The following ROR2 variants were observed in gnomAD, a reference collection of about 807,000 sequenced individuals.
ROR2 encodes the protein ROR family WNT receptor 2, also known as tyrosine-protein kinase transmembrane receptor ROR2.
ROR2 carries 33 observed loss-of-function variants against 74.9 expected under a neutral mutation model. The observed-to-expected ratio is 0.44, with a 90% CI of 0.33 to 0.59. ROR2 has a LOEUF of 0.59. Ranked by LOEUF, ROR2 falls within the 20% of genes least tolerant of loss-of-function variation. The probability of loss-of-function intolerance (pLI) is 0.02; values close to 1 mark genes in which losing one functional copy is unlikely to be tolerated. For synonymous variants in ROR2, 586 were observed against 558.7 expected, an observed-to-expected ratio of 1.05 and a Z score of -0.69; for missense variants, 1,216 against 1,313.8, an observed-to-expected ratio of 0.93 and a Z score of 1.15.
chr9:91,767,429 T>A (rs1351409598), intron 2 of ROR2, among the ~76,000 whole-genome samples: 1 of 152,182 alleles, frequency 6.6e-6, no homozygotes, highest in Admixed American at 6.5e-5. Context: ...TTGGTCAAAT[T>A]ACTTAGGCAT....
In ROR2 at chr9:91,792,329, A is replaced by C. The variant is rs1252475133; in HGVS notation, c.98-16511T>G. On this transcript the variant is annotated intron_variant, in intron 1 of 8. Transcript: ENST00000375708. The stretch of plus-strand genomic sequence containing the variant: ...TATTTTTTTTTTTTTTTTTTTTGAG[A>C]CGGAGTCTCGCTCTGTCGCCCAGGT... Among the ~76,000 whole-genome samples the C allele has an allele frequency of 2.8e-5, 4 of 143,572 alleles. No individual in the cohort carries two copies. In the East Asian group the frequency reaches 8.0e-4, roughly 29 times the overall value. 94.2% of individuals were successfully genotyped at this position (143,572 alleles called of 152,430 possible). A position where few individuals can be genotyped will look rare whatever the true frequency, so the allele number is the denominator to read the frequency against.
At chr9:91,768,722 C>T (rs1415890427) in intron 2 of ROR2, among the ~76,000 whole-genome samples, 1 of 152,204 alleles carries the variant, frequency 6.6e-6, no homozygotes, top group Non-Finnish European at 1.5e-5. Flanking sequence ...CAGGAAGCCG[C>T]TGTGGGTCTC....
rs561985332 is a variant in ROR2 at position 91,948,735 on chromosome 9, G to C, written c.97+1132C>G. 1.3e-4 allele frequency: 125 copies of C among 985,192 alleles called. No individual in the cohort carries two copies. In the African/African-American group the frequency reaches 1.8e-3, roughly 14 times the overall value. The allele number at this position is 985,192 out of a possible 1,614,324, so 61.0% of individuals were successfully genotyped here. A position where few individuals can be genotyped will look rare whatever the true frequency, so the allele number is the denominator to read the frequency against. On this transcript the variant is annotated intron_variant, in intron 1 of 8. Transcript: ENST00000375708. ...CACCTTCCTGCAGGAGTGCAGGGAT[G>C]GGGGATACTGAAGCCCATTTACTAG...
Position 91,950,032 on chromosome 9 carries a change from C to G in ROR2, c.-69G>C. On this transcript the variant is annotated 5_prime_UTR_variant, in exon 1 of 9. Coordinates refer to ENST00000375708, the MANE Select transcript of ROR2 (RefSeq NM_004560.4). ...GGGGCGCGGGGTCGGGCGCCACCACCCCTTTCTACGATGCGTCCGCTCCTC... is the reference window on the plus strand; with the variant it reads ...GGGGCGCGGGGTCGGGCGCCACCACGCCTTTCTACGATGCGTCCGCTCCTC... 2.7e-6 allele frequency: 2 copies of G among 744,284 alleles called. No individual in the cohort carries two copies. The highest frequency in any genetic ancestry group is 3.9e-6 in the Non-Finnish European group (2 of 514,322). 46.1% of individuals were successfully genotyped at this position (744,284 alleles called of 1,614,324 possible).
At chr9:91,775,887 T>TAAGAA in intron 1 of ROR2, 69 bp from the exon 2 acceptor site, 1 of 1,341,064 alleles carries the variant, frequency 7.5e-7, no homozygotes, top group Non-Finnish European at 1.1e-6. Context: ...TTGCTTCTTA[T>TAAGAA]GCAAAGACAA....
intron 1 of ROR2, among the ~76,000 whole-genome samples, chr9:91,777,503 A>C (rs1284239354): frequency 6.6e-6 from 1 of 152,164 alleles, no homozygotes; most frequent in African/African-American, 2.4e-5. Context: ...AAATGGCTCT[A>C]CTGTGAACAA....
intron 1 of ROR2, among the ~76,000 whole-genome samples, chr9:91,796,818 C>T (rs1827194171): frequency 2.7e-5 from 3 of 111,828 alleles, no homozygotes; most frequent in African/African-American, 1.2e-4. Context: ...ACCCTGGGAT[C>T]TGTGGGTGGG....
intron 1 of ROR2, among the ~76,000 whole-genome samples, chr9:91,819,204 G>A (rs1024949715): frequency 6.6e-6 from 1 of 152,188 alleles, no homozygotes; most frequent in South Asian, 2.1e-4. Context: ...GTCAGCCCAA[G>A]GCCAGGACTG....
Position 91,905,314 on chromosome 9 carries a change from CACAT to C in ROR2, c.97+44549_97+44552del, listed in dbSNP as rs200853695. On this transcript the variant is annotated intron_variant, in intron 1 of 8. Transcript: ENST00000375708. This position sits in a 1 kb window ranked among gnomAD's most constrained non-coding sequence, Gnocchi z 5.3. ...AATACCACACACCAGACACACCACA[CACAT>C]ACAATCATACCACACAACACATACA... is the stretch of plus-strand genomic sequence containing the variant. Among the ~76,000 whole-genome samples the C allele has an allele frequency of 0.032, 4,867 of 151,580 alleles. 116 individuals are homozygous for C. Among genetic ancestry groups the C allele is most frequent in the South Asian group, 0.062 (299 of 4,786 alleles).
At position 91,913,828 on chromosome 9, in the gene ROR2, G is replaced by A. The variant is rs147050938; in HGVS notation, c.97+36039C>T. Among the ~76,000 whole-genome samples, 373 of 152,304 alleles carry A rather than the reference G, an allele frequency of 2.4e-3. 3 individuals are homozygous for A. Among genetic ancestry groups the A allele is most frequent in the African/African-American group, 8.6e-3 (358 of 41,558 alleles). ...GCCTGGGGGAAGGGAAAAGTGGGGA[G>A]TTGTGTTTAATGGGGACAGAGTCTC... is the stretch of plus-strand genomic sequence containing the variant. On this transcript the variant is annotated intron_variant, in intron 1 of 8. Transcript: ENST00000375708.
In ROR2 at chr9:91,724,795, T is replaced by C. The variant is rs552717097; in HGVS notation, c.1699A>G (p.Met567Val). ...CCCACGTCCGAGTGCGGCGAGCGCA[T>C]GACCAGGAATTCGTGGAGGTCGCCG... is the stretch of plus-strand genomic sequence containing the variant. ...SHGDLHEFLV[M>V]RSPHSDVGST... Residue 567 changes from methionine to valine, a missense_variant, in exon 9 of 9, where the codon ATG becomes GTG. By Grantham distance (21) the Met-to-Val change is conservative (BLOSUM62 1). Coordinates refer to ENST00000375708, the MANE Select transcript of ROR2 (RefSeq NM_004560.4). 1 of 1,610,084 alleles carries C rather than the reference T, an allele frequency of 6.2e-7. No individual in the cohort carries two copies. The highest frequency in any genetic ancestry group is 8.5e-7 in the Non-Finnish European group (1 of 1,176,890).
rs1296243329 is a variant in ROR2 at position 91,733,028 on chromosome 9, G to A, written c.937+94C>T. On this transcript the variant is annotated intron_variant, in intron 6 of 8. Coordinates refer to ENST00000375708, the MANE Select transcript of ROR2 (RefSeq NM_004560.4). The surrounding 1 kb of genome is among the most constrained non-coding windows in gnomAD (Gnocchi z 5.7). ...GGTTCTGTGGGGCCTGGACAGATGGGGCTCCCTGGGCTTCACCGACACCCC... is the reference window on the plus strand; with the variant it reads ...GGTTCTGTGGGGCCTGGACAGATGGAGCTCCCTGGGCTTCACCGACACCCC... The A allele has an allele frequency of 7.9e-7, 1 of 1,263,030 alleles. No individual in the cohort carries two copies. Among genetic ancestry groups the A allele is most frequent in the Non-Finnish European group, 1.1e-6 (1 of 913,574 alleles). The allele number at this position is 1,263,030 out of a possible 1,614,324, so 78.2% of individuals were successfully genotyped here. A position where few individuals can be genotyped will look rare whatever the true frequency, so the allele number is the denominator to read the frequency against.
At chr9:91,946,701 G>C (rs1832022406) in intron 1 of ROR2, among the ~76,000 whole-genome samples, 1 of 152,204 alleles carries the variant, frequency 6.6e-6, no homozygotes, top group Admixed American at 6.5e-5. Context: ...CACTACAACA[G>C]ACTAGCCAGG....
chr9:91,890,429 C>A (rs927205406), intron 1 of ROR2, among the ~76,000 whole-genome samples: 2 of 152,218 alleles, frequency 1.3e-5, no homozygotes, highest in African/African-American at 2.4e-5. Context: ...TGATTAACAA[C>A]AAACATAAGT....
At chr9:91,889,104 A>G (rs1830359516) in intron 1 of ROR2, among the ~76,000 whole-genome samples, 1 of 152,222 alleles carries the variant, frequency 6.6e-6, no homozygotes, top group Non-Finnish European at 1.5e-5. Context: ...TAGCCAATAA[A>G]ATACTAAATC....
At chr9:91,773,507 C>T (rs892392531) in intron 2 of ROR2, among the ~76,000 whole-genome samples, 1 of 152,208 alleles carries the variant, frequency 6.6e-6, no homozygotes, top group Non-Finnish European at 1.5e-5. Context: ...ATGAACTTTC[C>T]GTGATACTGG....
intron 1 of ROR2, among the ~76,000 whole-genome samples, chr9:91,872,297 A>T (rs1414085573): frequency 6.6e-6 from 1 of 152,184 alleles, no homozygotes; most frequent in East Asian, 1.9e-4. Flanking sequence ...ACTCGGAGTT[A>T]CACTCTCAGG....
At chr9:91,946,071 A>G (rs111333071) in intron 1 of ROR2, among the ~76,000 whole-genome samples, 4 of 152,222 alleles carry the variant, frequency 2.6e-5, no homozygotes, top group Non-Finnish European at 5.9e-5. Flanking sequence ...GCAGAACCTA[A>G]GAGCCCAAAG....
At chr9:91,819,766 TCA>T (rs1350852106) in intron 1 of ROR2, among the ~76,000 whole-genome samples, 1 of 151,766 alleles carries the variant, frequency 6.6e-6, no homozygotes, top group Non-Finnish European at 1.5e-5. Flanking sequence ...TGTGTGTGTC[TCA>T]GTGTTCTGTG....
Sources: gnomAD v4.1 joint callset for allele counts (sites outside exome capture counted in the v4.1 genomes callset) on GRCh38, gnomAD v4.1.1 for gene constraint, Gnocchi (gnomAD v3.1) non-coding constraint, MANE v1.5 for transcripts, NCBI Gene and HGNC (gene_info 2026-07-23, HGNC 2026-07-21) for gene names.